ROBO2: variants seen among roughly 807,000 people sequenced by gnomAD.
The protein encoded by ROBO2 is roundabout homolog 2.
A neutral mutation model predicts 160.8 loss-of-function variants in ROBO2; 53 were observed. That is an observed-to-expected ratio of 0.33 (90% CI 0.26 to 0.41). The LOEUF (loss-of-function observed/expected upper bound fraction) is 0.41, where lower values mean the gene tolerates loss of function less well. ROBO2 is among the 10% of genes least tolerant of loss of function. ROBO2 has a pLI of 1.00. For missense variants in ROBO2, 1,577 were observed against 1,722.4 expected, an observed-to-expected ratio of 0.92 and a Z score of 1.49; for synonymous variants, 664 against 611.7, an observed-to-expected ratio of 1.09 and a Z score of -1.26.
chr3:76,476,020 G>A (rs6804312), intron 2 of ROBO2, among the ~76,000 whole-genome samples: 7,787 of 152,078 alleles, frequency 0.051, 678 homozygotes, highest in African/African-American at 0.18. Flanking sequence ...AGGTGTGCTG[G>A]TGGTCGCCTG....
At chr3:76,296,890 T>C (rs968706415) in intron 2 of ROBO2, among the ~76,000 whole-genome samples, 2 of 152,166 alleles carry the variant, frequency 1.3e-5, no homozygotes, top group Non-Finnish European at 2.9e-5. Context: ...AAAGGAACTT[T>C]ATATACTAAA....
intron 2 of ROBO2, among the ~76,000 whole-genome samples, chr3:77,405,925 T>A (rs2076217711): frequency 6.6e-6 from 1 of 152,162 alleles, no homozygotes; most frequent in Non-Finnish European, 1.5e-5. Flanking sequence ...GTGAATTTGA[T>A]TTGAATGGCA....
chr3:77,410,487 C>A (rs932819428), intron 2 of ROBO2, among the ~76,000 whole-genome samples: 5 of 148,766 alleles, frequency 3.4e-5, no homozygotes, highest in Non-Finnish European at 6.0e-5. Context: ...TCTCCCTCTT[C>A]TTTCCTCCTC....
At chr3:77,064,106 T>C (rs1210867796) in intron 1 of ROBO2, among the ~76,000 whole-genome samples, 1 of 152,172 alleles carries the variant, frequency 6.6e-6, no homozygotes, top group Non-Finnish European at 1.5e-5. Flanking sequence ...AAAAGGTAAA[T>C]GCTTGTGTTC....
chr3:77,433,486 GTATATATATATATATATA>G lies in ROBO2; in HGVS notation c.389-43912_389-43895del, dbSNP rs57475227. 1.1e-4 allele frequency among the ~76,000 whole-genome samples: 11 copies of G among 99,412 alleles called. 2 individuals are homozygous for G. Among genetic ancestry groups the G allele is most frequent in the South Asian group, 3.5e-4 (1 of 2,830 alleles). 65.2% of individuals were successfully genotyped at this position (99,412 alleles called of 152,430 possible). On this transcript the variant is annotated intron_variant, in intron 2 of 25. Coordinates refer to ENST00000461745, the Ensembl canonical transcript of ROBO2. ...GATTTTCCTTCTTCTCTGGCAACTT[GTATATATATATATATATA>G]TATATATATATATATTTCTCCTTCA...
At chr3:75,928,285 CTA>C (rs1399291264) in intron 1 of ROBO2, among the ~76,000 whole-genome samples, 1 of 152,136 alleles carries the variant, frequency 6.6e-6, no homozygotes, top group Non-Finnish European at 1.5e-5. Context: ...TGCCCGGCCT[CTA>C]TTTAAGTTAG....
At chr3:76,926,265 G>A (rs1045073810) in intron 2 of ROBO2, among the ~76,000 whole-genome samples, 3 of 152,100 alleles carry the variant, frequency 2.0e-5, no homozygotes, top group South Asian at 2.1e-4. Context: ...AAGCATGGAG[G>A]TATTTGAGCA....
intron 1 of ROBO2, among the ~76,000 whole-genome samples, chr3:75,921,644 T>A (rs780985366): frequency 6.6e-6 from 1 of 152,294 alleles, no homozygotes; most frequent in Non-Finnish European, 1.5e-5. Flanking sequence ...TGTGTGTTTC[T>A]ATGCAGATGT....
intron 2 of ROBO2, among the ~76,000 whole-genome samples, chr3:76,657,677 T>C (rs1307389535): frequency 6.0e-5 from 7 of 116,684 alleles, no homozygotes; most frequent in African/African-American, 1.5e-4. Context: ...TGTATATATA[T>C]ACATATATGT....
At chr3:76,193,460 G>T (rs1702107005) in intron 2 of ROBO2, among the ~76,000 whole-genome samples, 1 of 152,108 alleles carries the variant, frequency 6.6e-6, no homozygotes, top group Admixed American at 6.6e-5. Flanking sequence ...AGAATATTGG[G>T]CATGATATAA....
rs531044647 is a variant in ROBO2 at position 77,049,641 on chromosome 3, C to A, written c.61+8795C>A. ...TAGTTTCTGGCCACTATAACTAGAA[C>A]CATATGCAACATGGAAATTTTAGCT... On this transcript the variant is annotated intron_variant, in intron 1 of 25. Coordinates refer to ENST00000461745, the Ensembl canonical transcript of ROBO2. 2.0e-5 allele frequency among the ~76,000 whole-genome samples: 3 copies of A among 152,270 alleles called. No individual in the cohort carries two copies. In the East Asian group the frequency reaches 5.8e-4, roughly 29 times the overall value.
intron 2 of ROBO2, among the ~76,000 whole-genome samples, chr3:76,580,325 T>TTCG (rs1560183143): frequency 8.6e-6 from 1 of 115,952 alleles, no homozygotes; most frequent in Admixed American, 9.1e-5. Context: ...CTGTTTTTTT[T>TTCG]TTGTTTTTTT....
In ROBO2 at chr3:77,039,890, AGGGGCCTCAGCGCGCCT is replaced by A. The variant is rs535783587; in HGVS notation, c.-893_-877del. The A allele has an allele frequency of 2.2e-4, 34 of 155,136 alleles. No homozygotes were observed. The South Asian group carries it at 7.0e-3, about 32-fold the overall frequency. The allele number at this position is 155,136 out of a possible 1,614,324, so 9.6% of individuals were successfully genotyped here. On this transcript the variant is annotated 5_prime_UTR_variant, in exon 1 of 26. Coordinates refer to ENST00000461745, the Ensembl canonical transcript of ROBO2. Reference sequence around the variant, plus strand: ...AGGCTGCGGGGGCTGGACCCGGGCGAGGGGCCTCAGCGCGCCTGGCGCTGGACTGAGCGCTCCCTTTC... The same window carrying A: ...AGGCTGCGGGGGCTGGACCCGGGCGAGGCGCTGGACTGAGCGCTCCCTTTC...
At chr3:76,260,331 A>AAGT (rs1356082718) in intron 2 of ROBO2, among the ~76,000 whole-genome samples, 3 of 152,146 alleles carry the variant, frequency 2.0e-5, no homozygotes, top group Non-Finnish European at 4.4e-5. Flanking sequence ...ATGACCATGG[A>AAGT]AGTAGAAAAG....
chr3:76,150,394 A>G (rs111247907), intron 2 of ROBO2, among the ~76,000 whole-genome samples: 6 of 148,208 alleles, frequency 4.0e-5, no homozygotes, highest in African/African-American at 1.5e-4. Context: ...CCTTTTTAAA[A>G]CACACATCTG....
At chr3:77,647,982 C>T (rs1329320558) in exon 26 of ROBO2, 2 of 152,054 alleles carry the variant, frequency 1.3e-5, no homozygotes, top group Non-Finnish European at 2.9e-5. Context: ...TGGGCCCCAC[C>T]AGCTTTTTGG....
intron 2 of ROBO2, among the ~76,000 whole-genome samples, chr3:76,328,664 T>A (rs983386894): frequency 6.6e-6 from 1 of 151,656 alleles, no homozygotes; most frequent in Admixed American, 6.6e-5. Flanking sequence ...ATCGAGACCA[T>A]CCTGGCTAAC....
chr3:76,188,657 A>C (rs1165043015), intron 2 of ROBO2, among the ~76,000 whole-genome samples: 2 of 152,104 alleles, frequency 1.3e-5, no homozygotes, highest in Admixed American at 1.3e-4. Context: ...CCCCCATGCT[A>C]TCTAACCTGT....
intron 2 of ROBO2, among the ~76,000 whole-genome samples, chr3:75,943,250 A>T (rs1948134490): frequency 6.6e-6 from 1 of 150,736 alleles, no homozygotes; most frequent in African/African-American, 2.4e-5. Context: ...TAACAAAAAA[A>T]TCTTACTATT....
Sources: gnomAD v4.1 joint callset for allele counts (sites outside exome capture counted in the v4.1 genomes callset) on GRCh38, gnomAD v4.1.1 for gene constraint, MANE v1.5 for transcripts, NCBI Gene and HGNC (gene_info 2026-07-23, HGNC 2026-07-21) for gene names.